FRMD5: variants seen among roughly 807,000 people sequenced by gnomAD.
FRMD5 encodes FERM domain-containing protein 5.
FRMD5 carries 20 observed loss-of-function variants against 69.0 expected under a neutral mutation model. That is an observed-to-expected ratio of 0.29 (90% confidence interval 0.20 to 0.42). The LOEUF (loss-of-function observed/expected upper bound fraction) is 0.42. Ranked by LOEUF, FRMD5 falls within the 10% of genes least tolerant of loss-of-function variation. FRMD5 has a pLI of 1.00. For synonymous variants in FRMD5, 271 were observed against 260.1 expected (o/e 1.04, Z -0.40); for missense variants, 595 against 708.6 (o/e 0.84, Z 1.82).
intron 1 of FRMD5, among the ~76,000 whole-genome samples, chr15:44,001,701 C>A (rs1890220642): frequency 6.6e-6 from 1 of 151,802 alleles, no homozygotes; most frequent in African/African-American, 2.4e-5. Flanking sequence ...CCGCTTCCCA[C>A]ACTCAAGTGA....
At chr15:44,014,737 C>CA (rs199912844) in intron 1 of FRMD5, among the ~76,000 whole-genome samples, 2,014 of 147,288 alleles carry the variant, frequency 0.014, 19 homozygotes, top group South Asian at 0.022. Flanking sequence ...GACTTCGTCT[C>CA]AAAAAAAAGA....
chr15:44,177,877 T>C (rs1207896069), intron 1 of FRMD5, among the ~76,000 whole-genome samples: 1 of 152,164 alleles, frequency 6.6e-6, no homozygotes, highest in Non-Finnish European at 1.5e-5. Context: ...AGAGGACTAA[T>C]CACAAAGGGG....
intron 1 of FRMD5, chr15:43,989,456 G>A (rs1461198771): frequency 1.7e-5 from 14 of 803,030 alleles, no homozygotes; most frequent in African/African-American, 6.7e-5. Flanking sequence ...CCTGGCCGTC[G>A]GGCAGCTTGT....
At chr15:44,067,837 G>A (rs1472712942) in intron 1 of FRMD5, among the ~76,000 whole-genome samples, 1 of 152,120 alleles carries the variant, frequency 6.6e-6, no homozygotes, top group African/African-American at 2.4e-5. Context: ...TTTGATATCT[G>A]ATAATCATCT....
At chr15:43,962,065 CAGG>C (rs1350578150) in intron 1 of FRMD5, among the ~76,000 whole-genome samples, 3 of 152,108 alleles carry the variant, frequency 2.0e-5, no homozygotes, top group Non-Finnish European at 2.9e-5. Context: ...GGCAATCAGG[CAGG>C]AGAAGGAAAT....
chr15:44,161,553 A>G (rs1158571985), intron 1 of FRMD5, among the ~76,000 whole-genome samples: 1 of 152,216 alleles, frequency 6.6e-6, no homozygotes, highest in Non-Finnish European at 1.5e-5. Flanking sequence ...TAATTTTCCA[A>G]TAAAATACAA....
intron 1 of FRMD5, among the ~76,000 whole-genome samples, chr15:43,996,185 A>G (rs994684335): frequency 6.6e-6 from 1 of 151,836 alleles, no homozygotes; most frequent in Non-Finnish European, 1.5e-5. Flanking sequence ...GCCTGGAGGC[A>G]GGGTCCACTG....
intron 1 of FRMD5, among the ~76,000 whole-genome samples, chr15:44,022,805 C>T (rs1285855333): frequency 1.3e-5 from 2 of 152,044 alleles, no homozygotes; most frequent in Non-Finnish European, 2.9e-5. Flanking sequence ...GAAGAGCCAG[C>T]CCTGACTCTA....
intron 1 of FRMD5, among the ~76,000 whole-genome samples, chr15:44,132,090 T>G (rs1051626197): frequency 6.6e-6 from 1 of 152,140 alleles, no homozygotes; most frequent in African/African-American, 2.4e-5. Flanking sequence ...CATTACATTC[T>G]CATAAGGAGT....
intron 6 of FRMD5, among the ~76,000 whole-genome samples, chr15:43,904,480 T>C (rs981857443): frequency 1.3e-5 from 2 of 152,118 alleles, no homozygotes; most frequent in African/African-American, 2.4e-5. Context: ...GTAATTCTCA[T>C]GCCTCAGACT....
chr15:44,144,412 C>A (rs959292949), intron 1 of FRMD5, among the ~76,000 whole-genome samples: 1 of 152,104 alleles, frequency 6.6e-6, no homozygotes, highest in Admixed American at 6.5e-5. Flanking sequence ...GTGGGTAGAG[C>A]CAAGGACACA....
chr15:44,074,432 C>T (rs2140422568), intron 1 of FRMD5, among the ~76,000 whole-genome samples: 1 of 151,542 alleles, frequency 6.6e-6, no homozygotes, highest in Non-Finnish European at 1.5e-5. Context: ...AATATGGAGG[C>T]CATGAGAAAC....
chr15:43,894,278 C>CT (rs2088862938), intron 7 of FRMD5, among the ~76,000 whole-genome samples: 1 of 151,050 alleles, frequency 6.6e-6, no homozygotes, highest in South Asian at 2.1e-4. Context: ...GGGAGGCAGC[C>CT]TGCCTGTTCT....
intron 4 of FRMD5, chr15:43,919,085 A>G (rs1406010403): frequency 2.8e-6 from 1 of 357,896 alleles, no homozygotes; most frequent in African/African-American, 2.1e-5. Context: ...TATATCCATT[A>G]GACCACTTGA....
intron 7 of FRMD5, among the ~76,000 whole-genome samples, chr15:43,895,634 A>C (rs975121567): frequency 6.6e-6 from 1 of 152,258 alleles, no homozygotes; most frequent in African/African-American, 2.4e-5. Flanking sequence ...CCAATCTCAT[A>C]TGAAGAGAGC....
intron 1 of FRMD5, among the ~76,000 whole-genome samples, chr15:43,966,318 G>A (rs118014806): frequency 6.6e-6 from 1 of 152,162 alleles, no homozygotes; most frequent in South Asian, 2.1e-4. Context: ...GTTGCAGTGA[G>A]AGGAGATCTC....
At chr15:44,139,053 T>TTG (rs1355951001) in intron 1 of FRMD5, among the ~76,000 whole-genome samples, 7 of 152,090 alleles carry the variant, frequency 4.6e-5, no homozygotes, top group Non-Finnish European at 7.4e-5. Context: ...GTGGCAATGG[T>TTG]TGCACAATTC....
At chr15:44,154,289 C>A (rs1290665738) in intron 1 of FRMD5, among the ~76,000 whole-genome samples, 3 of 151,954 alleles carry the variant, frequency 2.0e-5, no homozygotes, top group African/African-American at 7.3e-5. Flanking sequence ...GCACTTCACT[C>A]CAGCCTCAGT....
chr15:44,044,154 A>G (rs1267804008), intron 1 of FRMD5, among the ~76,000 whole-genome samples: 1 of 152,248 alleles, frequency 6.6e-6, no homozygotes, highest in East Asian at 1.9e-4. Context: ...TATGTGGCCA[A>G]CAAACATATG....
Sources: gnomAD v4.1 joint callset for allele counts (sites outside exome capture counted in the v4.1 genomes callset) on GRCh38, gnomAD v4.1.1 for gene constraint, MANE v1.5 for transcripts, NCBI Gene and HGNC (gene_info 2026-07-23, HGNC 2026-07-21) for gene names.